ADCY5: variants seen among roughly 807,000 people sequenced by gnomAD.
ADCY5 encodes adenylate cyclase type 5.
ADCY5 carries 30 observed loss-of-function variants against 119.7 expected under a neutral mutation model. That is an observed-to-expected ratio of 0.25 (90% CI 0.19 to 0.34). The LOEUF is 0.34. Ranked by LOEUF, ADCY5 falls within the 10% of genes least tolerant of loss-of-function variation. The probability of loss-of-function intolerance (pLI) is 1.00; values close to 1 mark genes in which losing one functional copy is unlikely to be tolerated. For missense variants in ADCY5, 1,324 were observed against 1,775.2 expected (o/e 0.75, Z 4.57); for synonymous variants, 753 against 762.2 (o/e 0.99, Z 0.20).
chr3:123,296,826 C>A (rs1939544173), intron 16 of ADCY5, among the ~76,000 whole-genome samples: 1 of 152,226 alleles, frequency 6.6e-6, no homozygotes, highest in South Asian at 2.1e-4. Context: ...AATAGATACT[C>A]TTAACAAAAG....
At chr3:123,300,082 T>A in intron 15 of ADCY5, 38 bp downstream of exon 15, 1 of 1,606,464 alleles carries the variant, frequency 6.2e-7, no homozygotes, top group Non-Finnish European at 8.5e-7. Flanking sequence ...CTGCAATGTC[T>A]CATGCCCAGT....
chr3:123,448,480 G>C lies in ADCY5; in HGVS notation c.66C>G (p.Pro22=), dbSNP rs1231414943. The C allele has an allele frequency of 7.9e-7, 1 of 1,269,466 alleles. No individual in the cohort carries two copies. Among genetic ancestry groups the C allele is most frequent in the African/African-American group, 1.5e-5 (1 of 64,718 alleles). 78.6% of individuals were successfully genotyped at this position (1,269,466 alleles called of 1,614,324 possible). ...YAAQKTAAPA[P]RGGPEHRSAW... ...CAGAGCGGTGTTCGGGGCCTCCCCG[G>C]GGCGCCGGCGCCGCAGTCTTCTGCG... is the stretch of plus-strand genomic sequence containing the variant. The change falls in exon 1 of 21, where the codon CCC becomes CCG. Residue 22 remains proline (P), a synonymous_variant. Transcript: ENST00000462833.
In ADCY5 at chr3:123,396,824, G is replaced by GAGAGAGAGAGAGAC. The variant is rs374016491; in HGVS notation, c.1135-44244_1135-44243insGTCTCTCTCTCTCT. Among the ~76,000 whole-genome samples the GAGAGAGAGAGAGAC allele has an allele frequency of 9.2e-3, 1,364 of 148,226 alleles. 83 individuals are homozygous for GAGAGAGAGAGAGAC. Among genetic ancestry groups the GAGAGAGAGAGAGAC allele is most frequent in the African/African-American group, 0.033 (1,296 of 39,558 alleles). On this transcript the variant is annotated intron_variant, in intron 1 of 20. Transcript: ENST00000462833. ...CAGGCAGGCAGGCAGGCAGGCGAGA[G>GAGAGAGAGAGAGAC]AGAGAGAGAGAGAGAGAGACAGAGA...
chr3:123,416,378 A>G (rs1300072515), intron 1 of ADCY5: 87 of 1,498,102 alleles, frequency 5.8e-5, no homozygotes, highest in Non-Finnish European at 5.5e-5. Context: ...TGGGGAAGAC[A>G]CCAGGCTGCT....
At chr3:123,292,550 C>T (rs1321125890) in intron 17 of ADCY5, among the ~76,000 whole-genome samples, 1 of 152,190 alleles carries the variant, frequency 6.6e-6, no homozygotes, top group Non-Finnish European at 1.5e-5. Context: ...CACCACCACC[C>T]ACAGAGGCAC....
At position 123,289,734 on chromosome 3, in the gene ADCY5, C is replaced by T; in HGVS notation, c.3532+16G>A. 6.2e-7 allele frequency: 1 copy of T among 1,612,742 alleles called. No individual in the cohort carries two copies. Among genetic ancestry groups the T allele is most frequent in the East Asian group, 2.2e-5 (1 of 44,892 alleles). On this transcript the variant is annotated intron_variant, in intron 19 of 20. Transcript: ENST00000462833. ...GACTGCACCCTGGGCTCAGCACTCC[C>T]TGGGCCCCCACTCACCGATCTTCAT...
chr3:123,425,281 T>G (rs1192490763), intron 1 of ADCY5, among the ~76,000 whole-genome samples: 1 of 152,188 alleles, frequency 6.6e-6, no homozygotes, highest in Non-Finnish European at 1.5e-5. Flanking sequence ...CTGCCTCACC[T>G]AGACACTCAC....
chr3:123,396,515 GAA>G (rs774236693), intron 1 of ADCY5, among the ~76,000 whole-genome samples: 28 of 104,510 alleles, frequency 2.7e-4, no homozygotes, highest in South Asian at 6.5e-4. Flanking sequence ...GAGAAAGAAA[GAA>G]AGAGAGAGAG....
rs373261597 is a variant in ADCY5 at position 123,343,854 on chromosome 3, C to T, written c.1406+3928G>A. The stretch of plus-strand genomic sequence containing the variant: ...CCTGGCTCCAGCTGACCCCCCGCCC[C>T]GTCAGAAAGGCTGAAACATTTCCAT... On this transcript the variant is annotated intron_variant, in intron 3 of 20. Coordinates refer to ENST00000462833, the MANE Select transcript of ADCY5 (RefSeq NM_183357.3). Among the ~76,000 whole-genome samples the T allele has an allele frequency of 1.3e-4, 20 of 152,288 alleles. No homozygotes were observed. In the East Asian group the frequency reaches 1.7e-3, roughly 13 times the overall value.
At chr3:123,422,991 G>A (rs1490133404) in intron 1 of ADCY5, among the ~76,000 whole-genome samples, 3 of 152,288 alleles carry the variant, frequency 2.0e-5, no homozygotes, top group African/African-American at 7.2e-5. Context: ...GGAGCATCAG[G>A]GCTGACTTCA....
chr3:123,432,016 A>C (rs1553749621), intron 1 of ADCY5, among the ~76,000 whole-genome samples: 1 of 152,134 alleles, frequency 6.6e-6, no homozygotes, highest in Non-Finnish European at 1.5e-5. Flanking sequence ...GATTAGGTGA[A>C]AGCTCCTTGA....
At chr3:123,363,175 CAA>C (rs58090373) in intron 1 of ADCY5, among the ~76,000 whole-genome samples, 1 of 90,140 alleles carries the variant, frequency 1.1e-5, no homozygotes, top group African/African-American at 3.3e-5. Context: ...AATTGAAGAA[CAA>C]AAAAAAAAAT....
chr3:123,302,908 A>T, intron 14 of ADCY5, 147 bp downstream of exon 14: 2 of 876,200 alleles, frequency 2.3e-6, no homozygotes. Context: ...GGCATGTAGG[A>T]GTGAGAGATA....
At chr3:123,417,181 A>G (rs1945203554) in intron 1 of ADCY5, among the ~76,000 whole-genome samples, 1 of 151,972 alleles carries the variant, frequency 6.6e-6, no homozygotes, top group African/African-American at 2.4e-5. Context: ...AGATCTGTCT[A>G]GCTCAAGAGC....
chr3:123,430,929 G>A (rs1945510915), intron 1 of ADCY5, among the ~76,000 whole-genome samples: 1 of 152,218 alleles, frequency 6.6e-6, no homozygotes, highest in African/African-American at 2.4e-5. Context: ...TGTCCACACA[G>A]TGGACAGGAA....
chr3:123,396,688 AAGAG>A (rs368056971), intron 1 of ADCY5, among the ~76,000 whole-genome samples: 2,090 of 140,468 alleles, frequency 0.015, 75 homozygotes, highest in African/African-American at 0.053. Flanking sequence ...GAACAAAAGA[AAGAG>A]AGAGAGAGAG....
chr3:123,363,143 GAA>G (rs58854772), intron 1 of ADCY5, among the ~76,000 whole-genome samples: 35 of 50,042 alleles, frequency 7.0e-4, no homozygotes, highest in African/African-American at 1.3e-3. Context: ...ATTCCTTCTT[GAA>G]AAAAAAAAAA....
chr3:123,416,541 C>T (rs748822016), intron 1 of ADCY5, among the ~76,000 whole-genome samples: 1 of 152,124 alleles, frequency 6.6e-6, no homozygotes, highest in Non-Finnish European at 1.5e-5. Context: ...AAACTCCTAC[C>T]CGATAGGGCT....
chr3:123,327,520 G>C (rs1342753620), intron 7 of ADCY5, 98 bp downstream of exon 7: 1 of 1,273,850 alleles, frequency 7.9e-7, no homozygotes. Flanking sequence ...AGAAATTCAT[G>C]ACTTCACTCA....
Sources: allele counts gnomAD v4.1 joint callset (sites outside exome capture counted in the v4.1 genomes callset), GRCh38; gene constraint gnomAD v4.1.1; transcripts MANE v1.5; gene names NCBI Gene and HGNC (gene_info 2026-07-23, HGNC 2026-07-21).